The following SBF2 variants were observed in gnomAD, a reference collection of about 807,000 sequenced individuals.
SBF2 encodes myotubularin-related protein 13.
SBF2 carries 112 observed loss-of-function variants against 225.2 expected under a neutral mutation model. That is an observed-to-expected ratio of 0.50 (90% CI 0.43 to 0.58). The LOEUF is 0.58. Among genes scored for constraint, SBF2 ranks in the 20% least tolerant of loss-of-function variants. The pLI is 0.00. For missense variants in SBF2, 1,996 were observed against 2,206.2 expected, an observed-to-expected ratio of 0.90 and a Z score of 1.91; for synonymous variants, 763 against 773.3, an observed-to-expected ratio of 0.99 and a Z score of 0.22.
rs552097432 is a variant in SBF2 at position 10,009,393 on chromosome 11, T to C, written c.620-6704A>G. On this transcript the variant is annotated intron_variant, in intron 6 of 39. Coordinates refer to ENST00000256190, the MANE Select transcript of SBF2 (RefSeq NM_030962.4). The stretch of plus-strand genomic sequence containing the variant: ...CATCTACATTAGGTATTTCTCCTAA[T>C]GCTGTCCCTTCCCTACCCTCCCCAC... 6.6e-5 allele frequency among the ~76,000 whole-genome samples: 10 copies of C among 152,286 alleles called. 1 individual carries two copies. The South Asian group carries it at 2.1e-3, about 32-fold the overall frequency.
In SBF2 at chr11:9,913,643, A is replaced by AAAAATAAAATAAAATAAAATAAAAT. The variant is rs142122670; in HGVS notation, c.1861-17657_1861-17633dup. On this transcript the variant is annotated intron_variant, in intron 16 of 39. Transcript: ENST00000256190. ...AGTTGTTTAAAATAGCTGAGATTAA[A>AAAAATAAAATAAAATAAAATAAAAT]AAAATAAAATAAAATAAAATAAAAT... is the stretch of plus-strand genomic sequence containing the variant. Among the ~76,000 whole-genome samples, 31 of 144,846 alleles carry AAAAATAAAATAAAATAAAATAAAAT rather than the reference A, an allele frequency of 2.1e-4. 1 individual carries two copies. Among genetic ancestry groups the AAAAATAAAATAAAATAAAATAAAAT allele is most frequent in the Admixed American group, 1.3e-3 (19 of 14,350 alleles).
intron 1 of SBF2, among the ~76,000 whole-genome samples, chr11:10,239,592 T>C (rs1195806014): frequency 1.3e-5 from 2 of 148,950 alleles, no homozygotes; most frequent in African/African-American, 4.9e-5. Context: ...TTCAAGATCA[T>C]AGACATCACT....
At chr11:9,907,405 C>T (rs1052831727) in intron 16 of SBF2, among the ~76,000 whole-genome samples, 2 of 152,186 alleles carry the variant, frequency 1.3e-5, no homozygotes, top group Admixed American at 1.3e-4. Flanking sequence ...CCCATCCATG[C>T]TTTGGTTTGT....
intron 1 of SBF2, among the ~76,000 whole-genome samples, chr11:10,226,239 A>C (rs1207563136): frequency 6.6e-6 from 1 of 152,214 alleles, no homozygotes; most frequent in Non-Finnish European, 1.5e-5. Context: ...AACCAAGAAA[A>C]TAAACGAGTC....
In SBF2 at chr11:9,816,688, A is replaced by G. The variant is rs7937716; in HGVS notation, c.3978+152T>C. On this transcript the variant is annotated intron_variant, in intron 29 of 39. Transcript: ENST00000256190. Reference sequence around the variant, plus strand: ...TAAAAATTAATATATATAAATAAATACAAAAGGAGAGCTAAATTTTTTGAG... The same window carrying G: ...TAAAAATTAATATATATAAATAAATGCAAAAGGAGAGCTAAATTTTTTGAG... The G allele has an allele frequency of 0.59, 293,320 of 501,232 alleles. 93,266 individuals are homozygous for G. Among genetic ancestry groups the G allele is most frequent in the Non-Finnish European group, 0.68 (200,496 of 295,122 alleles). The allele number at this position is 501,232 out of a possible 1,614,324, so 31.0% of individuals were successfully genotyped here.
chr11:9,845,445 A>T, intron 24 of SBF2, 120 bp downstream of exon 24: 1 of 938,054 alleles, frequency 1.1e-6, no homozygotes, highest in Non-Finnish European at 1.7e-6. Flanking sequence ...CATGGGCTTG[A>T]CAGAAACAGA....
chr11:9,814,724 C>G (rs1854366684), intron 29 of SBF2, among the ~76,000 whole-genome samples: 1 of 152,110 alleles, frequency 6.6e-6, no homozygotes, highest in Non-Finnish European at 1.5e-5. Context: ...TTATAATAGA[C>G]AAAACATAGT....
At chr11:10,099,358 G>A (rs968302514) in intron 2 of SBF2, among the ~76,000 whole-genome samples, 1 of 152,082 alleles carries the variant, frequency 6.6e-6, no homozygotes, top group African/African-American at 2.4e-5. Context: ...ACTATAACTA[G>A]CAAAAATGTT....
At chr11:9,906,970 A>C (rs61876926) in intron 16 of SBF2, among the ~76,000 whole-genome samples, 28,501 of 152,112 alleles carry the variant, frequency 0.19, 3,033 homozygotes, top group Non-Finnish European at 0.23. Flanking sequence ...AAAACTCTGG[A>C]ATCTCTAAAA....
intron 2 of SBF2, among the ~76,000 whole-genome samples, chr11:10,113,530 T>A (rs1192359887): frequency 6.6e-6 from 1 of 152,210 alleles, no homozygotes; most frequent in Admixed American, 6.5e-5. Context: ...TATCTATTTT[T>A]CAGTGAAATA....
intron 2 of SBF2, among the ~76,000 whole-genome samples, chr11:10,138,470 A>T (rs1954489011): frequency 1.3e-5 from 2 of 149,714 alleles, no homozygotes; most frequent in Admixed American, 1.3e-4. Context: ...TTCTGTTTTC[A>T]TGTTTATTGC....
chr11:10,143,580 A>G (rs1203234826), intron 2 of SBF2, among the ~76,000 whole-genome samples: 1 of 152,282 alleles, frequency 6.6e-6, no homozygotes, highest in East Asian at 1.9e-4. Flanking sequence ...CAGTAAATGA[A>G]GAAAAATTCT....
chr11:9,881,668 T>A (rs550466778), intron 17 of SBF2, among the ~76,000 whole-genome samples: 2 of 152,000 alleles, frequency 1.3e-5, no homozygotes, highest in Non-Finnish European at 2.9e-5. Context: ...CAGCTTCAGC[T>A]AGCCTTCTTG....
intron 18 of SBF2, among the ~76,000 whole-genome samples, chr11:9,857,438 G>A (rs1218770175): frequency 1.3e-5 from 2 of 152,162 alleles, no homozygotes; most frequent in Admixed American, 6.6e-5. Context: ...AAGCACCCCC[G>A]AAGCCCAGTA....
chr11:10,250,688 A>G (rs944943374), intron 1 of SBF2, among the ~76,000 whole-genome samples: 1 of 152,204 alleles, frequency 6.6e-6, no homozygotes, highest in Admixed American at 6.5e-5. Flanking sequence ...CCAGGTAAAG[A>G]AAGTTTTTAT....
chr11:10,114,318 T>C (rs956663865), intron 2 of SBF2, among the ~76,000 whole-genome samples: 2 of 152,236 alleles, frequency 1.3e-5, no homozygotes, highest in African/African-American at 4.8e-5. Flanking sequence ...TGAGATCTCA[T>C]GTTTTTCTTT....
At chr11:9,791,421 CA>C (rs11343948) in intron 33 of SBF2, among the ~76,000 whole-genome samples, 36,920 of 125,216 alleles carry the variant, frequency 0.29, 4,842 homozygotes, top group African/African-American at 0.39. Context: ...ACCAGTTTAT[CA>C]AAAAAAAAAA....
chr11:9,839,407 T>C, intron 26 of SBF2, 91 bp downstream of exon 26: 5 of 1,270,312 alleles, frequency 3.9e-6, no homozygotes, highest in Non-Finnish European at 5.7e-6. Flanking sequence ...TTTTTATCTA[T>C]CTCAGGGCTA....
At chr11:10,120,853 T>C (rs895745196) in intron 2 of SBF2, among the ~76,000 whole-genome samples, 10 of 152,084 alleles carry the variant, frequency 6.6e-5, no homozygotes, top group Admixed American at 6.6e-4. Context: ...CTCCTGACCT[T>C]GTGATCCACC....
Sources: allele counts gnomAD v4.1 joint callset (sites outside exome capture counted in the v4.1 genomes callset), GRCh38; gene constraint gnomAD v4.1.1; transcripts MANE v1.5; gene names NCBI Gene and HGNC (gene_info 2026-07-23, HGNC 2026-07-21).